Variants in STX7 observed in about 807,000 individuals in gnomAD.
STX7 encodes syntaxin-7.
In STX7, 34 loss-of-function variants were observed where a neutral mutation model predicts 39.6. That is an observed-to-expected ratio of 0.86 (90% CI 0.65 to 1.14). The LOEUF (loss-of-function observed/expected upper bound fraction) is 1.14. Ranked by LOEUF, STX7 falls within the 50% of genes most tolerant of loss-of-function variation. The pLI is 0.00. For synonymous variants in STX7, 119 were observed against 99.1 expected (o/e 1.20, Z -1.19); for missense variants, 284 against 310.4 (o/e 0.92, Z 0.64).
chr6:132,488,590 T>A (rs563683212), intron 2 of STX7, among the ~76,000 whole-genome samples: 1 of 152,346 alleles, frequency 6.6e-6, no homozygotes, highest in Admixed American at 6.5e-5. Flanking sequence ...GTGTTCAGCT[T>A]CTTATTTACA....
In STX7 at chr6:132,471,498, ACT is replaced by A; in HGVS notation, c.350_351del (p.Glu117ValfsTer17). On this transcript the variant is annotated frameshift_variant, in exon 5 of 10. Transcript: ENST00000367941. LOFTEE classifies it high-confidence loss of function. ...VQRQAAEREK[E>X]FVARVRASSR... ...GAACTGGCTCTTACTCGAGCAACAAACTCTTTCTCTCGCTCAGCAGCCTGCCT... is the reference window on the plus strand; with the variant it reads ...GAACTGGCTCTTACTCGAGCAACAAACTTTCTCTCGCTCAGCAGCCTGCCT... 2 of 1,613,964 alleles carry A rather than the reference ACT, an allele frequency of 1.2e-6. No homozygotes were observed. Among genetic ancestry groups the A allele is most frequent in the Admixed American group, 1.7e-5 (1 of 59,972 alleles).
At position 132,475,039 on chromosome 6, in the gene STX7, C is replaced by T. The variant is rs762993480; in HGVS notation, c.155+554G>A. ...ATTGAGATACTAGAGTATAATTTTT[C>T]AACAGCTGTCAAAAACAACCTACCT... On this transcript the variant is annotated intron_variant, in intron 3 of 9. Transcript: ENST00000367941. Among the ~76,000 whole-genome samples the T allele has an allele frequency of 7.4e-4, 113 of 151,922 alleles. 1 individual carries two copies. The highest frequency in any genetic ancestry group is 1.5e-3 in the Non-Finnish European group (104 of 67,964).
intron 8 of STX7, 85 bp from the exon 9 acceptor site, chr6:132,464,160 G>A (rs1774498077): frequency 7.9e-7 from 1 of 1,271,798 alleles, no homozygotes; most frequent in Non-Finnish European, 1.1e-6. Context: ...TTCAAGGTAA[G>A]ATTAAATATG....
intron 2 of STX7, among the ~76,000 whole-genome samples, chr6:132,493,082 T>C (rs930749494): frequency 1.3e-5 from 2 of 152,182 alleles, no homozygotes; most frequent in African/African-American, 4.8e-5. Context: ...TCTTTGACTT[T>C]ATATGGAATA....
In STX7 at chr6:132,447,294, AAC is replaced by A. The variant is rs1296783432; in HGVS notation, c.*13462_*13463del. The A allele has an allele frequency of 1.3e-5, 2 of 152,202 alleles. No homozygotes were observed. The highest frequency in any genetic ancestry group is 4.8e-5 in the African/African-American group (2 of 41,458). The allele number at this position is 152,202 out of a possible 1,614,324, so 9.4% of individuals were successfully genotyped here. On this transcript the variant is annotated 3_prime_UTR_variant, in exon 10 of 10. Transcript: ENST00000367941. ...CTATTTCCAGAGAGGCTTGAAATAA[AAC>A]AGTTGACTTTATGTAGATTATGGTT...
At chr6:132,510,723 T>C (rs9493342) in intron 1 of STX7, among the ~76,000 whole-genome samples, 12,203 of 152,136 alleles carry the variant, frequency 0.08, 651 homozygotes, top group East Asian at 0.16. Flanking sequence ...ATCTCCACAT[T>C]GCAATAATCA....
At chr6:132,507,712 A>AT (rs1307548484) in intron 1 of STX7, among the ~76,000 whole-genome samples, 1 of 152,150 alleles carries the variant, frequency 6.6e-6, no homozygotes, top group East Asian at 1.9e-4. Flanking sequence ...GAGAAAGACA[A>AT]TTTTCTCTTG....
rs142460328 is a variant in STX7, at chr6:132,470,031, C to A, written c.457G>T (p.Val153Leu). Residue 153 changes from valine to leucine, a missense_variant, in exon 7 of 10, where the codon GTG (valine) becomes TTG (leucine). Transcript: ENST00000367941. ...VSWESQTQPQ[V>L]QVQDEEITED... ...GTAATTTCTTCATCCTGCACCTGCA[C>A]TTGAGGTTGAGTTTGGCTAACAGAA... 6 of 1,583,974 alleles carry A rather than the reference C, an allele frequency of 3.8e-6. No individual in the cohort carries two copies. In the African/African-American group the frequency reaches 6.9e-5, roughly 18 times the overall value.
In STX7 at chr6:132,505,613, C is replaced by A. The variant is rs555022016; in HGVS notation, c.-58-2025G>T. On this transcript the variant is annotated intron_variant, in intron 1 of 9. Coordinates refer to ENST00000367941, the MANE Select transcript of STX7 (RefSeq NM_003569.3). ...ACTACAGTGGGGAGACAGGAATAAACTTCCTTCCAGGTAGCCTTGGACTTG... is the reference window on the plus strand; with the variant it reads ...ACTACAGTGGGGAGACAGGAATAAAATTCCTTCCAGGTAGCCTTGGACTTG... Among the ~76,000 whole-genome samples, 7 of 152,070 alleles carry A rather than the reference C, an allele frequency of 4.6e-5. No individual in the cohort carries two copies. The South Asian group carries it at 1.5e-3, about 32-fold the overall frequency.
chr6:132,501,798 C>T (rs1243799966), intron 2 of STX7, among the ~76,000 whole-genome samples: 1 of 151,978 alleles, frequency 6.6e-6, no homozygotes, highest in African/African-American at 2.4e-5. Flanking sequence ...GAATTATAAA[C>T]TTCCTTAATT....
chr6:132,490,480 A>G (rs1346345160), intron 2 of STX7, among the ~76,000 whole-genome samples: 1 of 152,254 alleles, frequency 6.6e-6, no homozygotes, highest in African/African-American at 2.4e-5. Flanking sequence ...GGCATATTAT[A>G]GAATGGGGGA....
At chr6:132,489,470 G>C (rs79225576) in intron 2 of STX7, among the ~76,000 whole-genome samples, 3,545 of 152,262 alleles carry the variant, frequency 0.023, 125 homozygotes, top group African/African-American at 0.08. Context: ...CCTGGAGAAT[G>C]TGAAGGATGG....
At chr6:132,484,907 T>C (rs1185145461) in intron 2 of STX7, among the ~76,000 whole-genome samples, 1 of 152,154 alleles carries the variant, frequency 6.6e-6, no homozygotes, top group Non-Finnish European at 1.5e-5. Context: ...CCGAGAACAA[T>C]ATAGGTAGGC....
At chr6:132,465,740 A>T (rs1227032634) in intron 8 of STX7, among the ~76,000 whole-genome samples, 1 of 152,180 alleles carries the variant, frequency 6.6e-6, no homozygotes, top group Non-Finnish European at 1.5e-5. Context: ...ACACGTTTTC[A>T]TGACCCTATC....
chr6:132,489,570 G>A (rs1775225956), intron 2 of STX7, among the ~76,000 whole-genome samples: 1 of 152,122 alleles, frequency 6.6e-6, no homozygotes, highest in South Asian at 2.1e-4. Flanking sequence ...TCTTCTTTGT[G>A]AGCAAAAGCA....
chr6:132,464,654 T>G (rs1774512359), intron 8 of STX7, among the ~76,000 whole-genome samples: 1 of 152,224 alleles, frequency 6.6e-6, no homozygotes, highest in South Asian at 2.1e-4. Flanking sequence ...GTAAATGGAA[T>G]GTAATTTAAG....
At chr6:132,501,663 T>C (rs1775561435) in intron 2 of STX7, among the ~76,000 whole-genome samples, 1 of 152,074 alleles carries the variant, frequency 6.6e-6, no homozygotes, top group African/African-American at 2.4e-5. Flanking sequence ...GGACAGTCAT[T>C]CCTCATCCTC....
At position 132,455,791 on chromosome 6, in the gene STX7, G is replaced by T. The variant is rs1334341951; in HGVS notation, c.*4967C>A. On this transcript the variant is annotated 3_prime_UTR_variant, in exon 10 of 10. Transcript: ENST00000367941. ...TTAACCAAATGATTACAAAAACAAA[G>T]AATTAAAATTGGTGTATTGATATGG... The T allele has an allele frequency of 6.6e-6, 1 of 152,046 alleles. No homozygotes were observed. The highest frequency in any genetic ancestry group is 1.5e-5 in the Non-Finnish European group (1 of 67,978). The allele number at this position is 152,046 out of a possible 1,614,324, so 9.4% of individuals were successfully genotyped here. A position where few individuals can be genotyped will look rare whatever the true frequency, so the allele number is the denominator to read the frequency against.
chr6:132,458,698 T>TAAA lies in STX7; in HGVS notation c.*2059_*2060insTTT, dbSNP rs1774310428. On this transcript the variant is annotated 3_prime_UTR_variant, in exon 10 of 10. Coordinates refer to ENST00000367941, the MANE Select transcript of STX7 (RefSeq NM_003569.3). ...AATTTGGCTACCATACTATGTTTCT[T>TAAA]ATTTAATTTTCTCTAATCAATACTA... 1 of 152,236 alleles carries TAAA rather than the reference T, an allele frequency of 6.6e-6. No homozygotes were observed. Among genetic ancestry groups the TAAA allele is most frequent in the South Asian group, 2.1e-4 (1 of 4,832 alleles). The allele number at this position is 152,236 out of a possible 1,614,324, so 9.4% of individuals were successfully genotyped here.
Sources: allele counts gnomAD v4.1 joint callset (sites outside exome capture counted in the v4.1 genomes callset), GRCh38; gene constraint gnomAD v4.1.1; transcripts MANE v1.5; gene names NCBI Gene and HGNC (gene_info 2026-07-23, HGNC 2026-07-21).